PDZRN3: variants seen among roughly 807,000 people sequenced by gnomAD.
The protein encoded by PDZRN3 is E3 ubiquitin-protein ligase PDZRN3.
A neutral mutation model predicts 85.7 loss-of-function variants in PDZRN3; 38 were observed. The ratio of observed to expected loss-of-function variants is 0.44; its 90% confidence interval spans 0.34 to 0.58. The LOEUF is 0.58. Ranked by LOEUF, PDZRN3 falls within the 20% of genes least tolerant of loss-of-function variation. The probability of loss-of-function intolerance (pLI) is 0.01; values close to 1 mark genes in which losing one functional copy is unlikely to be tolerated. For synonymous variants in PDZRN3, 759 were observed against 638.0 expected (o/e 1.19, Z -2.86); for missense variants, 1,629 against 1,506.4 (o/e 1.08, Z -1.35).
intron 3 of PDZRN3, among the ~76,000 whole-genome samples, chr3:73,459,001 A>AAG (rs1703046563): frequency 6.6e-6 from 1 of 151,346 alleles, no homozygotes; most frequent in Admixed American, 6.6e-5. Context: ...CAAACAAAAA[A>AAG]AAAAAAAGAA....
At chr3:73,532,055 G>A (rs561609472) in intron 3 of PDZRN3, among the ~76,000 whole-genome samples, 2 of 152,308 alleles carry the variant, frequency 1.3e-5, no homozygotes, top group East Asian at 3.9e-4. Flanking sequence ...AGGCTGGAGT[G>A]CAGTGGCGCG....
At position 73,439,172 on chromosome 3, in the gene PDZRN3, C is replaced by T. The variant is rs113995004; in HGVS notation, c.919-34777G>A. On this transcript the variant is annotated intron_variant, in intron 3 of 9. Coordinates refer to ENST00000263666, the MANE Select transcript of PDZRN3 (RefSeq NM_015009.3). ...CCAGGCCTCAGTCAGCGGTATATGC[C>T]CACCAACTTCCTCCTCTGATGTTCC... Among the ~76,000 whole-genome samples, 644 of 152,298 alleles carry T rather than the reference C, an allele frequency of 4.2e-3. 3 individuals carry two copies. Among genetic ancestry groups the T allele is most frequent in the African/African-American group, 0.015 (614 of 41,574 alleles).
At chr3:73,589,683 T>C (rs892326879) in intron 3 of PDZRN3, among the ~76,000 whole-genome samples, 4 of 152,192 alleles carry the variant, frequency 2.6e-5, no homozygotes, top group Admixed American at 6.5e-5. Context: ...CTTTACATAA[T>C]ACCATCTGCC....
intron 3 of PDZRN3, among the ~76,000 whole-genome samples, chr3:73,503,334 C>A (rs192080808): frequency 1.3e-5 from 2 of 152,208 alleles, no homozygotes; most frequent in Admixed American, 1.3e-4. Flanking sequence ...ATAAATCTGA[C>A]GTAAGTTCCA....
chr3:73,545,835 A>G (rs1463564954), intron 3 of PDZRN3, among the ~76,000 whole-genome samples: 3 of 152,138 alleles, frequency 2.0e-5, no homozygotes, highest in Non-Finnish European at 4.4e-5. Flanking sequence ...TCCACACCAC[A>G]TTAGAAGGGT....
At chr3:73,546,231 C>T (rs913668370) in intron 3 of PDZRN3, among the ~76,000 whole-genome samples, 6 of 152,184 alleles carry the variant, frequency 3.9e-5, no homozygotes, top group African/African-American at 4.8e-5. Flanking sequence ...ATACCACAGG[C>T]GACCCAGTGA....
At chr3:73,408,473 T>C (rs992574026) in intron 3 of PDZRN3, among the ~76,000 whole-genome samples, 1 of 151,970 alleles carries the variant, frequency 6.6e-6, no homozygotes, top group Admixed American at 6.6e-5. Flanking sequence ...TTAAGAGACA[T>C]TTGTATGCCG....
At chr3:73,544,087 C>T (rs1310561314) in intron 3 of PDZRN3, among the ~76,000 whole-genome samples, 2 of 152,172 alleles carry the variant, frequency 1.3e-5, no homozygotes, top group Non-Finnish European at 2.9e-5. Context: ...GTGGTGGGCA[C>T]CTGTAATCCC....
chr3:73,611,445 T>C (rs1378890732), intron 1 of PDZRN3, among the ~76,000 whole-genome samples: 3 of 152,250 alleles, frequency 2.0e-5, no homozygotes, highest in Non-Finnish European at 4.4e-5. Context: ...CTATGCTTTC[T>C]TGCCAGATGC....
At chr3:73,412,438 G>C (rs757312303) in intron 3 of PDZRN3, among the ~76,000 whole-genome samples, 1 of 152,220 alleles carries the variant, frequency 6.6e-6, no homozygotes, top group Non-Finnish European at 1.5e-5. Context: ...TTATCACACG[G>C]AGTTAAAAAG....
chr3:73,566,368 A>G (rs1701950600), intron 3 of PDZRN3, among the ~76,000 whole-genome samples: 1 of 152,230 alleles, frequency 6.6e-6, no homozygotes, highest in Admixed American at 6.5e-5. Context: ...TTCAACTCAT[A>G]AGAGAAAATA....
At position 73,430,674 on chromosome 3, in the gene PDZRN3, C is replaced by T. The variant is rs559057921; in HGVS notation, c.919-26279G>A. 3.3e-5 allele frequency among the ~76,000 whole-genome samples: 5 copies of T among 152,324 alleles called. 1 individual carries two copies. Among genetic ancestry groups the T allele is most frequent in the African/African-American group, 1.2e-4 (5 of 41,572 alleles). On this transcript the variant is annotated intron_variant, in intron 3 of 9. Transcript: ENST00000263666. ...CCACAGAGCCACAGACTTTCCCATC[C>T]TTACACCCCCAACTCCCACTCCCTG...
At chr3:73,618,578 T>A (rs1397213002) in intron 1 of PDZRN3, among the ~76,000 whole-genome samples, 1 of 150,362 alleles carries the variant, frequency 6.7e-6, no homozygotes, top group Non-Finnish European at 1.5e-5. Flanking sequence ...CCAGTGGAAC[T>A]CAATGAATAT....
intron 3 of PDZRN3, among the ~76,000 whole-genome samples, chr3:73,594,642 G>T (rs1702407494): frequency 6.6e-6 from 1 of 152,108 alleles, no homozygotes; most frequent in Admixed American, 6.6e-5. Context: ...AATCTAAATG[G>T]TTCTTTCCAT....
At chr3:73,616,774 T>A (rs1224410837) in intron 1 of PDZRN3, among the ~76,000 whole-genome samples, 3 of 152,180 alleles carry the variant, frequency 2.0e-5, no homozygotes, top group African/African-American at 7.2e-5. Context: ...CTTATGTACA[T>A]CATCTCATTT....
intron 3 of PDZRN3, among the ~76,000 whole-genome samples, chr3:73,495,930 T>C (rs1703857591): frequency 6.6e-6 from 1 of 152,160 alleles, no homozygotes. Flanking sequence ...ATCGATTTTT[T>C]ACTTGATCTA....
intron 3 of PDZRN3, among the ~76,000 whole-genome samples, chr3:73,542,662 T>A (rs947097819): frequency 2.0e-5 from 3 of 151,918 alleles, no homozygotes; most frequent in African/African-American, 7.3e-5. Context: ...TAATCCCAGC[T>A]ACTTGGGAGG....
At chr3:73,463,326 A>C (rs1256158926) in intron 3 of PDZRN3, among the ~76,000 whole-genome samples, 3 of 152,158 alleles carry the variant, frequency 2.0e-5, no homozygotes, top group Non-Finnish European at 4.4e-5. Flanking sequence ...CTGGTTACTT[A>C]CTCTGAAAAG....
chr3:73,537,817 G>T (rs9812555), intron 3 of PDZRN3, among the ~76,000 whole-genome samples: 8,251 of 150,688 alleles, frequency 0.055, 687 homozygotes, highest in African/African-American at 0.18. Flanking sequence ...GTAAAGACGG[G>T]GTTTCACTGT....
Sources: gnomAD v4.1 joint callset for allele counts (sites outside exome capture counted in the v4.1 genomes callset) on GRCh38, gnomAD v4.1.1 for gene constraint, MANE v1.5 for transcripts, NCBI Gene and HGNC (gene_info 2026-07-23, HGNC 2026-07-21) for gene names.